The following SEMA6A variants were observed in gnomAD, a reference collection of about 807,000 sequenced individuals.
SEMA6A encodes the protein semaphorin 6A, also known as semaphorin-6A.
SEMA6A carries 25 observed loss-of-function variants against 96.8 expected under a neutral mutation model. The observed-to-expected ratio is 0.26, with a 90% CI of 0.19 to 0.36. The LOEUF (loss-of-function observed/expected upper bound fraction) is 0.36. Ranked by LOEUF, SEMA6A falls within the 10% of genes least tolerant of loss-of-function variation. The probability of loss-of-function intolerance (pLI) is 1.00; values close to 1 mark genes in which losing one functional copy is unlikely to be tolerated. For synonymous variants in SEMA6A, 612 were observed against 518.0 expected, an observed-to-expected ratio of 1.18 and a Z score of -2.46; for missense variants, 1,363 against 1,323.1, an observed-to-expected ratio of 1.03 and a Z score of -0.47.
intron 1 of SEMA6A, among the ~76,000 whole-genome samples, chr5:116,527,132 T>C (rs901317713): frequency 6.6e-6 from 1 of 152,170 alleles, no homozygotes; most frequent in Non-Finnish European, 1.5e-5. Flanking sequence ...AAGATGATAT[T>C]TATTGTGTCT....
intron 1 of SEMA6A, among the ~76,000 whole-genome samples, chr5:116,544,442 C>T (rs1477852372): frequency 1.3e-5 from 2 of 151,966 alleles, no homozygotes; most frequent in African/African-American, 4.8e-5. Flanking sequence ...AGGCATGTGC[C>T]ACCATGCCCA....
intron 16 of SEMA6A, among the ~76,000 whole-genome samples, chr5:116,474,181 A>G (rs751083731): frequency 6.6e-6 from 1 of 151,874 alleles, no homozygotes; most frequent in Non-Finnish European, 1.5e-5. Context: ...CTACACCCCT[A>G]TTTTTCTACA....
chr5:116,481,467 T>G (rs143228852), intron 11 of SEMA6A, among the ~76,000 whole-genome samples: 1 of 152,344 alleles, frequency 6.6e-6, no homozygotes, highest in African/African-American at 2.4e-5. Flanking sequence ...GTAATGAAGA[T>G]GGATGAGTTT....
Position 116,542,048 on chromosome 5 carries a change from C to T in SEMA6A, c.-39+32137G>A, listed in dbSNP as rs1325167767. 1.8e-4 allele frequency among the ~76,000 whole-genome samples: 28 copies of T among 152,204 alleles called. 1 individual carries two copies. The highest frequency in any genetic ancestry group is 1.8e-3 in the Admixed American group (28 of 15,280). On this transcript the variant is annotated intron_variant, in intron 1 of 18. Transcript: ENST00000343348. Reference sequence around the variant, plus strand: ...TCTCCATGTTATCTAAGGACTCTGTCCCTGCTGCTGGGACAGTATCCTGGG... The same window carrying T: ...TCTCCATGTTATCTAAGGACTCTGTTCCTGCTGCTGGGACAGTATCCTGGG...
At chr5:116,562,340 AAAT>A (rs1760848455) in intron 1 of SEMA6A, among the ~76,000 whole-genome samples, 1 of 152,246 alleles carries the variant, frequency 6.6e-6, no homozygotes. Flanking sequence ...ATAAGCTACA[AAAT>A]AATTGTTCAC....
intron 1 of SEMA6A, among the ~76,000 whole-genome samples, chr5:116,546,304 G>A (rs1760182587): frequency 6.6e-6 from 1 of 152,230 alleles, no homozygotes; most frequent in African/African-American, 2.4e-5. Context: ...GAGACACTCT[G>A]ATTGCTTTAC....
In SEMA6A at chr5:116,447,526, A is replaced by C. The variant is rs1354771312; in HGVS notation, c.2180T>G (p.Met727Arg). 4 of 1,613,960 alleles carry C rather than the reference A, an allele frequency of 2.5e-6. No homozygotes were observed. The highest frequency in any genetic ancestry group is 3.3e-5 in the Admixed American group (2 of 60,010). ...GGGAGTGGCGAGCTTGCCGTTGTGC[A>C]TGAGTGGCGTGAGGATGGCCTCCGG... ...PKPEAILTPLMHNGKLATPGN... is the reference protein window; with the variant it reads ...PKPEAILTPLRHNGKLATPGN... Residue 727 changes from methionine (M) to arginine (R), a missense_variant, in exon 19 of 19, where the codon ATG becomes AGG. Around this residue, in one of 2 missense-constraint regions of SEMA6A, gnomAD observed 883 missense variants for 763.6 expected, o/e 1.16. Coordinates refer to ENST00000343348, the MANE Select transcript of SEMA6A (RefSeq NM_020796.5).
chr5:116,483,995 T>C (rs1420309930), intron 10 of SEMA6A, among the ~76,000 whole-genome samples: 2 of 140,274 alleles, frequency 1.4e-5, no homozygotes, highest in African/African-American at 5.4e-5. Context: ...ACCTGGGAAG[T>C]GGAGGTTGCA....
In SEMA6A at chr5:116,518,895, C is replaced by A. The variant is rs372240756; in HGVS notation, c.-38-13913G>T. Among the ~76,000 whole-genome samples, 34 of 152,256 alleles carry A rather than the reference C, an allele frequency of 2.2e-4. No homozygotes were observed. In the East Asian group the frequency reaches 3.9e-3, roughly 17 times the overall value. On this transcript the variant is annotated intron_variant, in intron 1 of 18. Transcript: ENST00000343348. Reference sequence around the variant, plus strand: ...ATGAACGTCTTTCAAAGAGGAGATTCCCCACGTTCACTTTGAATAACTAAA... The same window carrying A: ...ATGAACGTCTTTCAAAGAGGAGATTACCCACGTTCACTTTGAATAACTAAA...
At chr5:116,467,551 C>A (rs1439802859) in intron 18 of SEMA6A, 32 bp downstream of exon 18, 1 of 1,586,356 alleles carries the variant, frequency 6.3e-7, no homozygotes, top group Admixed American at 1.8e-5. Context: ...CTCCCTCTCC[C>A]CCGAGAGGAA....
chr5:116,523,776 C>G (rs1202063395), intron 1 of SEMA6A, among the ~76,000 whole-genome samples: 1 of 152,124 alleles, frequency 6.6e-6, no homozygotes, highest in African/African-American at 2.4e-5. Context: ...TGGGTGTGAC[C>G]TGGGCTGTGA....
intron 3 of SEMA6A, among the ~76,000 whole-genome samples, chr5:116,501,865 CA>C (rs1405242470): frequency 6.6e-6 from 1 of 152,054 alleles, no homozygotes; most frequent in Non-Finnish European, 1.5e-5. Context: ...CCAGCCTGGG[CA>C]ACAAAGAACG....
At chr5:116,455,790 A>G (rs1401965869) in intron 18 of SEMA6A, among the ~76,000 whole-genome samples, 1 of 152,176 alleles carries the variant, frequency 6.6e-6, no homozygotes, top group Non-Finnish European at 1.5e-5. Flanking sequence ...GGTTAAGAAC[A>G]TACACTTTGA....
chr5:116,479,425 C>A (rs1270933664), intron 12 of SEMA6A, among the ~76,000 whole-genome samples: 1 of 152,158 alleles, frequency 6.6e-6, no homozygotes, highest in East Asian at 1.9e-4. Flanking sequence ...ACCATGGTTT[C>A]CATTTTGTGT....
intron 1 of SEMA6A, among the ~76,000 whole-genome samples, chr5:116,538,227 A>C (rs1195699685): frequency 6.6e-6 from 1 of 152,158 alleles, no homozygotes; most frequent in Non-Finnish European, 1.5e-5. Context: ...AAAAACTTGG[A>C]CCAAATACTT....
At chr5:116,521,547 T>C (rs1313641345) in intron 1 of SEMA6A, among the ~76,000 whole-genome samples, 1 of 152,180 alleles carries the variant, frequency 6.6e-6, no homozygotes, top group East Asian at 1.9e-4. Context: ...CATGACCGTC[T>C]CTCATCCTTC....
intron 18 of SEMA6A, 107 bp from the exon 19 acceptor site, chr5:116,447,918 C>G: frequency 2.3e-6 from 2 of 863,500 alleles, no homozygotes; most frequent in Non-Finnish European, 3.5e-6. Context: ...GTGACAACAG[C>G]ACCTCTGCAC....
intron 18 of SEMA6A, chr5:116,449,388 T>C (rs143136126): frequency 1.3e-4 from 89 of 702,340 alleles, no homozygotes; most frequent in Non-Finnish European, 2.1e-4. Flanking sequence ...TCATGTATTT[T>C]ACTGGCAGGT....
chr5:116,507,718 T>A (rs1436397728), intron 1 of SEMA6A, among the ~76,000 whole-genome samples: 4 of 152,208 alleles, frequency 2.6e-5, no homozygotes, highest in Non-Finnish European at 5.9e-5. Context: ...GAAAATTAGA[T>A]AAAGGAAGAC....
Sources: gnomAD v4.1 joint callset for allele counts (sites outside exome capture counted in the v4.1 genomes callset) on GRCh38, gnomAD v4.1.1 for gene constraint, gnomAD v4.1.1 regional missense constraint, MANE v1.5 for transcripts, NCBI Gene and HGNC (gene_info 2026-07-23, HGNC 2026-07-21) for gene names.